ASTN1: variants seen among roughly 807,000 people sequenced by gnomAD.
ASTN1 encodes the protein astrotactin-1.
In ASTN1, 41 loss-of-function variants were observed where a neutral mutation model predicts 140.7. The observed-to-expected ratio is 0.29, with a 90% CI of 0.23 to 0.38. The LOEUF (loss-of-function observed/expected upper bound fraction) is 0.38. Ranked by LOEUF, ASTN1 falls within the 10% of genes least tolerant of loss-of-function variation. The pLI, the probability that ASTN1 is intolerant of heterozygous loss-of-function variation, is 1.00. For synonymous variants in ASTN1, 640 were observed against 652.2 expected (o/e 0.98, Z 0.29); for missense variants, 1,479 against 1,678.8 (o/e 0.88, Z 2.08).
Position 177,151,287 on chromosome 1 carries a change from A to G in ASTN1, c.283+13107T>C, listed in dbSNP as rs1415388598. Among the ~76,000 whole-genome samples, 7 of 152,136 alleles carry G rather than the reference A, an allele frequency of 4.6e-5. No homozygotes were observed. The East Asian group carries it at 1.3e-3, about 29-fold the overall frequency. Reference sequence around the variant, plus strand: ...AAAAATCTATTCTCTCTTTCTTTCTAGAATTTAAGTTGAGCACATGACTAC... The same window carrying G: ...AAAAATCTATTCTCTCTTTCTTTCTGGAATTTAAGTTGAGCACATGACTAC... On this transcript the variant is annotated intron_variant, in intron 1 of 22. Transcript: ENST00000361833.
intron 1 of ASTN1, among the ~76,000 whole-genome samples, chr1:177,109,377 C>G (rs931449657): frequency 6.6e-6 from 1 of 151,908 alleles, no homozygotes; most frequent in Non-Finnish European, 1.5e-5. Context: ...TTGAGATGCA[C>G]CTGATGAAAC....
At chr1:176,921,774 A>G (rs770537566) in intron 16 of ASTN1, among the ~76,000 whole-genome samples, 3 of 152,132 alleles carry the variant, frequency 2.0e-5, no homozygotes, top group Non-Finnish European at 4.4e-5. Context: ...CAAAACAGCA[A>G]ACATGGAGAT....
At chr1:177,004,459 G>A (rs1040119448) in intron 8 of ASTN1, among the ~76,000 whole-genome samples, 1 of 151,970 alleles carries the variant, frequency 6.6e-6, no homozygotes, top group African/African-American at 2.4e-5. Context: ...CACAGAATTA[G>A]AAAAAACAAT....
intron 7 of ASTN1, among the ~76,000 whole-genome samples, chr1:177,017,570 G>T (rs1675620706): frequency 6.6e-6 from 1 of 152,204 alleles, no homozygotes; most frequent in African/African-American, 2.4e-5. Flanking sequence ...TCCTAAGCTA[G>T]AAGTGTTACA....
At chr1:177,038,897 A>C (rs1676851130) in intron 2 of ASTN1, among the ~76,000 whole-genome samples, 1 of 152,214 alleles carries the variant, frequency 6.6e-6, no homozygotes, top group South Asian at 2.1e-4. Flanking sequence ...CTCTTCTTCA[A>C]ACCAAAGAAA....
In ASTN1 at chr1:176,896,571, G is replaced by A. The variant is rs149274700; in HGVS notation, c.2672-1741C>T. Among the ~76,000 whole-genome samples the A allele has an allele frequency of 9.9e-4, 151 of 152,216 alleles. No homozygotes were observed. The East Asian group carries it at 0.011, about 12-fold the overall frequency. Reference sequence around the variant, plus strand: ...TGTACGGATTGGGCGGAGCGAGTGCGGGTGGGGTGAGGTCTTTGATCCTTG... The same window carrying A: ...TGTACGGATTGGGCGGAGCGAGTGCAGGTGGGGTGAGGTCTTTGATCCTTG... On this transcript the variant is annotated intron_variant, in intron 16 of 22. Coordinates refer to ENST00000361833, the MANE Select transcript of ASTN1 (RefSeq NM_004319.3).
rs1678060420 is a variant in ASTN1, at chr1:177,061,090, G to A, written c.459C>T (p.His153=). The A allele has an allele frequency of 1.2e-6, 2 of 1,603,344 alleles. No individual in the cohort carries two copies. Among genetic ancestry groups the A allele is most frequent in the South Asian group, 1.1e-5 (1 of 88,690 alleles). The change falls in exon 2 of 23, where the codon CAC becomes CAT. Residue 153 remains histidine (H), a synonymous_variant. Transcript: ENST00000361833. Reference sequence around the variant, plus strand: ...GTTCTGCTCTTACCATGACTGAGATGTGGAGGATCCTCAGCTCCTCTTCTG... The same window carrying A: ...GTTCTGCTCTTACCATGACTGAGATATGGAGGATCCTCAGCTCCTCTTCTG... ...ESAEEELRIL[H]ISVMGGMIAL...
chr1:177,024,598 G>T lies in ASTN1; in HGVS notation c.1255C>A (p.His419Asn), dbSNP rs758518322. The change falls in exon 6 of 23, where the codon CAC becomes AAC. Residue 419 changes from histidine (H) to asparagine (N), a missense_variant. By Grantham distance (68) the His-to-Asn change is moderately conservative. Transcript: ENST00000361833. The stretch of plus-strand genomic sequence containing the variant: ...ACAGGCTCACCATCAGCAATCAGGT[G>T]CTCAGGGACATGCAGGGTGATCTTG... ...VVKITLHVPE[H>N]LIADGSRFIL... 1.1e-5 allele frequency: 17 copies of T among 1,613,938 alleles called. No homozygotes were observed. In the South Asian group the frequency reaches 1.9e-4, roughly 18 times the overall value.
At chr1:176,869,523 G>C (rs557405623) in intron 21 of ASTN1, among the ~76,000 whole-genome samples, 1 of 152,276 alleles carries the variant, frequency 6.6e-6, no homozygotes, top group South Asian at 2.1e-4. Flanking sequence ...CGAAGATAAA[G>C]GGAAATGAAG....
chr1:177,124,921 C>G (rs969404882), intron 1 of ASTN1, among the ~76,000 whole-genome samples: 2 of 152,198 alleles, frequency 1.3e-5, no homozygotes, highest in African/African-American at 4.8e-5. Flanking sequence ...AGTCCGTGCT[C>G]TCCTCTCACA....
chr1:177,030,492 T>C (rs111354622), intron 4 of ASTN1, among the ~76,000 whole-genome samples: 3 of 152,360 alleles, frequency 2.0e-5, no homozygotes, highest in African/African-American at 7.2e-5. Flanking sequence ...CAATTCCCTG[T>C]TGATGGACAT....
At chr1:177,141,108 C>A (rs376246613) in intron 1 of ASTN1, among the ~76,000 whole-genome samples, 1 of 152,002 alleles carries the variant, frequency 6.6e-6, no homozygotes, top group East Asian at 1.9e-4. Flanking sequence ...CCCAGCTACT[C>A]GGGAGGCTGA....
intron 16 of ASTN1, 48 bp downstream of exon 16, chr1:176,934,104 C>A (rs547989157): frequency 6.5e-7 from 1 of 1,534,118 alleles, no homozygotes. Context: ...ATGCAGGTAG[C>A]CAGTACTGGC....
chr1:177,102,354 C>T (rs1249513276), intron 1 of ASTN1, among the ~76,000 whole-genome samples: 1 of 152,136 alleles, frequency 6.6e-6, no homozygotes, highest in Non-Finnish European at 1.5e-5. Context: ...GAGGATAAAA[C>T]CTATGCAGGT....
At position 177,104,799 on chromosome 1, in the gene ASTN1, G is replaced by A. The variant is rs896239411; in HGVS notation, c.284-43534C>T. 7.9e-5 allele frequency among the ~76,000 whole-genome samples: 12 copies of A among 152,306 alleles called. No homozygotes were observed. In the East Asian group the frequency reaches 9.7e-4, roughly 12 times the overall value. Reference sequence around the variant, plus strand: ...TGCCAGTGACCTTGGGGTCTAGACCGTTCCTCCTTCTTCTATCAGTAAGAG... The same window carrying A: ...TGCCAGTGACCTTGGGGTCTAGACCATTCCTCCTTCTTCTATCAGTAAGAG... On this transcript the variant is annotated intron_variant, in intron 1 of 22. Coordinates refer to ENST00000361833, the MANE Select transcript of ASTN1 (RefSeq NM_004319.3).
At chr1:177,101,983 A>G (rs932497579) in intron 1 of ASTN1, among the ~76,000 whole-genome samples, 1 of 152,224 alleles carries the variant, frequency 6.6e-6, no homozygotes, top group African/African-American at 2.4e-5. Context: ...TACACTAAAA[A>G]TGGATCTATT....
chr1:177,011,098 G>T (rs1172524963), intron 8 of ASTN1, among the ~76,000 whole-genome samples: 1 of 152,052 alleles, frequency 6.6e-6, no homozygotes, highest in Non-Finnish European at 1.5e-5. Flanking sequence ...TCTGTAAAGT[G>T]AATTCTTATG....
At chr1:177,136,091 A>G (rs1312986575) in intron 1 of ASTN1, among the ~76,000 whole-genome samples, 1 of 152,150 alleles carries the variant, frequency 6.6e-6, no homozygotes, top group Non-Finnish European at 1.5e-5. Flanking sequence ...AAAATTTGCC[A>G]CCAAATGAAA....
At position 177,030,848 on chromosome 1, in the gene ASTN1, T is replaced by C; in HGVS notation, c.970A>G (p.Thr324Ala). Residue 324 changes from threonine to alanine, a missense_variant, in exon 4 of 23, where the codon ACC becomes GCC. Physicochemically the swap from Thr to Ala is moderately conservative, Grantham distance 58 (BLOSUM62 0). Coordinates refer to ENST00000361833, the MANE Select transcript of ASTN1 (RefSeq NM_004319.3). ...NHQQATLLSH[T>A]SSSQRKRINN... The stretch of plus-strand genomic sequence containing the variant: ...ATCCGCTTTCTCTGGCTGCTGGAGG[T>C]GTGAGAGAGAAGGGTGGCTTGCTGG... 1 of 1,613,992 alleles carries C rather than the reference T, an allele frequency of 6.2e-7. No homozygotes were observed. The highest frequency in any genetic ancestry group is 8.5e-7 in the Non-Finnish European group (1 of 1,180,002).
Sources: gnomAD v4.1 joint callset for allele counts (sites outside exome capture counted in the v4.1 genomes callset) on GRCh38, gnomAD v4.1.1 for gene constraint, MANE v1.5 for transcripts, NCBI Gene and HGNC (gene_info 2026-07-23, HGNC 2026-07-21) for gene names.